Variants in KCNK2 observed in about 807,000 individuals in gnomAD.
The protein encoded by KCNK2 is potassium channel subfamily K member 2.
In KCNK2, 21 loss-of-function variants were observed where a neutral mutation model predicts 40.5. That is an observed-to-expected ratio of 0.52 (90% CI 0.37 to 0.75). KCNK2 has a LOEUF of 0.75. KCNK2 is among the 30% of genes least tolerant of loss of function. The pLI is 0.00. For missense variants in KCNK2, 399 were observed against 531.6 expected, an observed-to-expected ratio of 0.75 and a Z score of 2.45; for synonymous variants, 191 against 202.2, an observed-to-expected ratio of 0.94 and a Z score of 0.47.
chr1:215,125,952 A>T (rs894379456), intron 3 of KCNK2, among the ~76,000 whole-genome samples: 4 of 151,872 alleles, frequency 2.6e-5, no homozygotes, highest in African/African-American at 4.8e-5. Context: ...GAGAAAATAT[A>T]TGTAAAAAAG....
chr1:215,219,205 C>T (rs1429433110), intron 6 of KCNK2, among the ~76,000 whole-genome samples: 1 of 152,102 alleles, frequency 6.6e-6, no homozygotes, highest in African/African-American at 2.4e-5. Context: ...GGCTGTAAAA[C>T]GTACCTGAGA....
At chr1:215,072,485 T>A (rs1182279536) in intron 1 of KCNK2, among the ~76,000 whole-genome samples, 1 of 152,256 alleles carries the variant, frequency 6.6e-6, no homozygotes, top group Admixed American at 6.5e-5. Flanking sequence ...GTTGCCTCTC[T>A]TAAAATTGGA....
intron 3 of KCNK2, among the ~76,000 whole-genome samples, chr1:215,162,420 T>C (rs928563798): frequency 6.6e-6 from 1 of 152,220 alleles, no homozygotes; most frequent in Non-Finnish European, 1.5e-5. Flanking sequence ...AGCTCTTTAG[T>C]TTAATTAAAT....
rs536696352 is a variant in KCNK2, at chr1:215,232,635, G to A, written c.964-2193G>A. 7.2e-5 allele frequency among the ~76,000 whole-genome samples: 11 copies of A among 152,274 alleles called. No individual in the cohort carries two copies. The South Asian group carries it at 2.1e-3, about 29-fold the overall frequency. On this transcript the variant is annotated intron_variant, in intron 6 of 6. Coordinates refer to ENST00000444842, the MANE Select transcript of KCNK2 (RefSeq NM_001017425.3). ...TCATTAGAAAAGACAAAATTAGCAA[G>A]TATATAGGTGAACATTTGAATTTTG...
intron 3 of KCNK2, among the ~76,000 whole-genome samples, chr1:215,138,251 A>G (rs1662016529): frequency 6.6e-6 from 1 of 152,146 alleles, no homozygotes; most frequent in Non-Finnish European, 1.5e-5. Context: ...AGTGTCAGAT[A>G]TTTTCAGTAC....
intron 2 of KCNK2, among the ~76,000 whole-genome samples, chr1:215,110,948 T>C (rs181000111): frequency 3.9e-5 from 6 of 152,182 alleles, no homozygotes; most frequent in Non-Finnish European, 8.8e-5. Context: ...TGTCCATTAT[T>C]ACAATAGCCT....
chr1:215,015,910 T>G (rs895866441), intron 1 of KCNK2, among the ~76,000 whole-genome samples: 4 of 152,168 alleles, frequency 2.6e-5, no homozygotes, highest in Non-Finnish European at 4.4e-5. Flanking sequence ...CTGTCTCAAT[T>G]GGAAACCTCT....
At chr1:215,202,867 A>G (rs1665137845) in intron 6 of KCNK2, among the ~76,000 whole-genome samples, 1 of 152,184 alleles carries the variant, frequency 6.6e-6, no homozygotes, top group South Asian at 2.1e-4. Context: ...ACTTGACTCC[A>G]TGGCCCAGCC....
chr1:215,218,251 A>T (rs1538540), intron 6 of KCNK2, among the ~76,000 whole-genome samples: 145,307 of 152,282 alleles, frequency 0.95, 69,701 homozygotes, highest in East Asian at 1. Context: ...ATTGACCTAC[A>T]GCAAAGGTTA....
At position 215,209,240 on chromosome 1, in the gene KCNK2, AAATATACACATATC is replaced by A. The variant is rs61724986; in HGVS notation, c.963+14149_963+14162del. 4.6e-4 allele frequency among the ~76,000 whole-genome samples: 58 copies of A among 127,062 alleles called. 1 individual carries two copies. Among genetic ancestry groups the A allele is most frequent in the African/African-American group, 1.8e-3 (57 of 31,898 alleles). The allele number at this position is 127,062 out of a possible 152,430, so 83.4% of individuals were successfully genotyped here. A position where few individuals can be genotyped will look rare whatever the true frequency, so the allele number is the denominator to read the frequency against. On this transcript the variant is annotated intron_variant, in intron 6 of 6. Coordinates refer to ENST00000444842, the MANE Select transcript of KCNK2 (RefSeq NM_001017425.3). ...ATATTTTTATATATAAAATATATAT[AAATATACACATATC>A]TTATATATAAAATATATAAATATAC...
chr1:215,063,079 G>C (rs1484957463), intron 1 of KCNK2, among the ~76,000 whole-genome samples: 1 of 152,194 alleles, frequency 6.6e-6, no homozygotes, highest in Non-Finnish European at 1.5e-5. Context: ...GTGGAAGTTA[G>C]CCTGATGGAT....
Position 215,075,483 on chromosome 1 carries a change from C to T in KCNK2, c.35-10885C>T, listed in dbSNP as rs940705708. ...TGTCATTCTTTCCTTAGTATGTTTA[C>T]TCCATGATGACGAGGATTTGTTGCA... On this transcript the variant is annotated intron_variant, in intron 1 of 6. Transcript: ENST00000391895. Among the ~76,000 whole-genome samples, 7 of 152,178 alleles carry T rather than the reference C, an allele frequency of 4.6e-5. No homozygotes were observed. The South Asian group carries it at 6.2e-4, about 13-fold the overall frequency.
chr1:215,035,001 C>T (rs1651628917), intron 1 of KCNK2, among the ~76,000 whole-genome samples: 1 of 151,998 alleles, frequency 6.6e-6, no homozygotes, highest in Admixed American at 6.6e-5. Context: ...GCTTCCATTA[C>T]CTACAATTTA....
chr1:215,230,966 G>A (rs1315643485), intron 6 of KCNK2, among the ~76,000 whole-genome samples: 1 of 152,158 alleles, frequency 6.6e-6, no homozygotes, highest in Non-Finnish European at 1.5e-5. Flanking sequence ...ACAAGTCTGA[G>A]CTTTTCTTGC....
chr1:215,122,142 T>G (rs1456969261), intron 2 of KCNK2, among the ~76,000 whole-genome samples: 3 of 152,092 alleles, frequency 2.0e-5, no homozygotes, highest in African/African-American at 7.2e-5. Context: ...GTATATATAA[T>G]CAGTATAGTA....
intron 1 of KCNK2, among the ~76,000 whole-genome samples, chr1:215,075,609 T>C (rs1019387555): frequency 1.3e-5 from 2 of 152,224 alleles, no homozygotes; most frequent in Admixed American, 1.3e-4. Context: ...ATATATTTAT[T>C]GGCATAAATG....
chr1:215,121,883 A>C (rs1334603291), intron 2 of KCNK2, among the ~76,000 whole-genome samples: 1 of 152,242 alleles, frequency 6.6e-6, no homozygotes, highest in African/African-American at 2.4e-5. Context: ...ATATTTTTAC[A>C]AGAACATCTT....
chr1:215,180,113 C>A (rs577745773), intron 5 of KCNK2, among the ~76,000 whole-genome samples: 2 of 152,126 alleles, frequency 1.3e-5, no homozygotes, highest in South Asian at 4.1e-4. Flanking sequence ...TTATGTAATA[C>A]CTTACTTTGT....
chr1:215,066,024 C>G (rs1658526129), intron 1 of KCNK2, among the ~76,000 whole-genome samples: 1 of 152,078 alleles, frequency 6.6e-6, no homozygotes, highest in Non-Finnish European at 1.5e-5. Context: ...AACAGAAAAC[C>G]AAACACCATA....
Sources: gnomAD v4.1 joint callset for allele counts (sites outside exome capture counted in the v4.1 genomes callset) on GRCh38, gnomAD v4.1.1 for gene constraint, MANE v1.5 for transcripts, NCBI Gene and HGNC (gene_info 2026-07-23, HGNC 2026-07-21) for gene names.